The following SGCZ variants were observed in gnomAD, a reference collection of about 807,000 sequenced individuals.
The protein encoded by SGCZ is zeta-sarcoglycan.
Under a neutral mutation model 41.3 loss-of-function variants are expected in SGCZ, and 40 were observed. The observed-to-expected ratio is 0.97, with a 90% CI of 0.75 to 1.26. The LOEUF (loss-of-function observed/expected upper bound fraction) is 1.26. Among genes scored for constraint, SGCZ ranks in the 50% most tolerant of loss-of-function variants. The probability of loss-of-function intolerance (pLI) is 0.00; values close to 1 mark genes in which losing one functional copy is unlikely to be tolerated. For synonymous variants in SGCZ, 206 were observed against 137.5 expected, an observed-to-expected ratio of 1.50 and a Z score of -3.49; for missense variants, 552 against 369.8, an observed-to-expected ratio of 1.49 and a Z score of -4.04.
intron 1 of SGCZ, among the ~76,000 whole-genome samples, chr8:14,703,742 G>C (rs371224628): frequency 1.3e-5 from 2 of 151,934 alleles, no homozygotes; most frequent in African/African-American, 2.4e-5. Context: ...AGTGGCTGTG[G>C]TCTCTTAATA....
intron 2 of SGCZ, among the ~76,000 whole-genome samples, chr8:14,488,571 C>T (rs944755378): frequency 6.6e-6 from 1 of 152,092 alleles, no homozygotes; most frequent in Non-Finnish European, 1.5e-5. Flanking sequence ...GATCTCGGAG[C>T]TAACCCATTG....
chr8:14,421,687 CA>C (rs1325687600), intron 2 of SGCZ, among the ~76,000 whole-genome samples: 1 of 152,138 alleles, frequency 6.6e-6, no homozygotes, highest in Non-Finnish European at 1.5e-5. Context: ...GATGTAAGCA[CA>C]AGCCCTATCT....
At chr8:14,246,293 G>T (rs1005266948) in intron 3 of SGCZ, among the ~76,000 whole-genome samples, 1 of 152,164 alleles carries the variant, frequency 6.6e-6, no homozygotes, top group Non-Finnish European at 1.5e-5. Context: ...CATGTCCTTT[G>T]TAGGGACACG....
intron 2 of SGCZ, among the ~76,000 whole-genome samples, chr8:14,494,030 G>T (rs894545380): frequency 1.3e-5 from 2 of 152,128 alleles, no homozygotes; most frequent in Non-Finnish European, 2.9e-5. Flanking sequence ...AAGCAATAAT[G>T]TACTACCCAT....
intron 3 of SGCZ, among the ~76,000 whole-genome samples, chr8:14,239,466 T>A (rs193015321): frequency 3.9e-5 from 6 of 152,192 alleles, no homozygotes; most frequent in Admixed American, 3.9e-4. Flanking sequence ...ATTTGTATGA[T>A]ATAGCATACA....
At chr8:14,898,218 G>A (rs537874808) in intron 1 of SGCZ, among the ~76,000 whole-genome samples, 1 of 152,180 alleles carries the variant, frequency 6.6e-6, no homozygotes, top group Admixed American at 6.5e-5. Context: ...CCAAAGCATA[G>A]GAACTACAGG....
intron 1 of SGCZ, among the ~76,000 whole-genome samples, chr8:15,061,798 T>C (rs868325058): frequency 6.6e-6 from 1 of 152,142 alleles, no homozygotes; most frequent in African/African-American, 2.4e-5. Context: ...ATTTATAAAC[T>C]ACCCAGTCTC....
At chr8:14,600,537 T>G (rs1563143823) in intron 1 of SGCZ, among the ~76,000 whole-genome samples, 3 of 152,106 alleles carry the variant, frequency 2.0e-5, no homozygotes, top group African/African-American at 7.2e-5. Context: ...TCCCAGGCAG[T>G]TACGAAAATA....
At position 14,135,206 on chromosome 8, in the gene SGCZ, T is replaced by C. The variant is rs143526475; in HGVS notation, c.548-26971A>G. 6.5e-3 allele frequency among the ~76,000 whole-genome samples: 987 copies of C among 152,332 alleles called. 7 individuals carry two copies. Among genetic ancestry groups the C allele is most frequent in the African/African-American group, 0.023 (940 of 41,578 alleles). ...TATAGTGGGTATTCAGTAATTTTGTTTAAATGAATAAATAATAAAATAAAT... is the reference window on the plus strand; with the variant it reads ...TATAGTGGGTATTCAGTAATTTTGTCTAAATGAATAAATAATAAAATAAAT... On this transcript the variant is annotated intron_variant, in intron 5 of 7. Transcript: ENST00000382080.
intron 3 of SGCZ, among the ~76,000 whole-genome samples, chr8:14,288,296 C>T (rs927934889): frequency 1.3e-5 from 2 of 152,048 alleles, no homozygotes; most frequent in Admixed American, 1.3e-4. Flanking sequence ...ATAAAATTTA[C>T]CCTAGAATAA....
intron 2 of SGCZ, 79 bp from the exon 3 acceptor site, chr8:14,324,283 T>A (rs895229593): frequency 5.1e-6 from 5 of 980,458 alleles, no homozygotes; most frequent in African/African-American, 4.9e-5. Context: ...AGGCCTAAAT[T>A]GAGAAAACAG....
chr8:14,556,888 T>C (rs893622061), intron 1 of SGCZ, among the ~76,000 whole-genome samples: 1 of 152,104 alleles, frequency 6.6e-6, no homozygotes, highest in Admixed American at 6.6e-5. Flanking sequence ...TGTGCTGCTA[T>C]AAACATGAAA....
At chr8:14,388,376 C>G (rs1229374563) in intron 2 of SGCZ, among the ~76,000 whole-genome samples, 2 of 151,920 alleles carry the variant, frequency 1.3e-5, no homozygotes, top group South Asian at 4.1e-4. Flanking sequence ...ATGCCTGTGA[C>G]TCAAAACACT....
chr8:15,126,267 A>G (rs993148523), intron 1 of SGCZ, among the ~76,000 whole-genome samples: 21 of 152,362 alleles, frequency 1.4e-4, no homozygotes, highest in Admixed American at 9.1e-4. Context: ...TAATAACTAC[A>G]AGTAGAAAAT....
At chr8:14,456,462 A>C (rs868067616) in intron 2 of SGCZ, among the ~76,000 whole-genome samples, 2 of 152,206 alleles carry the variant, frequency 1.3e-5, no homozygotes, top group African/African-American at 4.8e-5. Context: ...CATGACATGT[A>C]GATCATATAA....
At chr8:15,158,711 C>T (rs1026274817) in intron 1 of SGCZ, among the ~76,000 whole-genome samples, 4 of 152,032 alleles carry the variant, frequency 2.6e-5, no homozygotes, top group Non-Finnish European at 5.9e-5. Context: ...AGGGCATGGT[C>T]TACAAAATAA....
At position 14,929,084 on chromosome 8, in the gene SGCZ, C is replaced by T. The variant is rs574869808; in HGVS notation, c.39+308501G>A. Among the ~76,000 whole-genome samples the T allele has an allele frequency of 1.3e-3, 194 of 152,186 alleles. 2 individuals are homozygous for T. The South Asian group carries it at 0.035, about 28-fold the overall frequency. On this transcript the variant is annotated intron_variant, in intron 1 of 7. Coordinates refer to ENST00000382080, the MANE Select transcript of SGCZ (RefSeq NM_139167.4). ...TCGGCTCACTGCGACCTCCACCTCC[C>T]GGGTTCAAGTGATTCTCCTGCCTCA...
At chr8:14,107,787 C>T (rs1802251717) in intron 6 of SGCZ, among the ~76,000 whole-genome samples, 1 of 152,090 alleles carries the variant, frequency 6.6e-6, no homozygotes, top group African/African-American at 2.4e-5. Context: ...TACACATGTG[C>T]ACCACCATGC....
intron 1 of SGCZ, among the ~76,000 whole-genome samples, chr8:14,567,733 C>G (rs750427102): frequency 3.3e-5 from 5 of 152,090 alleles, no homozygotes; most frequent in African/African-American, 1.2e-4. Flanking sequence ...TAACACTCAC[C>G]GTGAAGGTCT....
Sources: allele counts gnomAD v4.1 joint callset (sites outside exome capture counted in the v4.1 genomes callset), GRCh38; gene constraint gnomAD v4.1.1; transcripts MANE v1.5; gene names NCBI Gene and HGNC (gene_info 2026-07-23, HGNC 2026-07-21).